CLOCK: variants seen among roughly 807,000 people sequenced by gnomAD.
The protein encoded by CLOCK is circadian locomoter output cycles protein kaput.
Under a neutral mutation model 118.4 loss-of-function variants are expected in CLOCK, and 43 were observed. The observed-to-expected ratio is 0.36, with a 90% confidence interval of 0.28 to 0.47. The LOEUF (loss-of-function observed/expected upper bound fraction) is 0.47, where lower values mean the gene tolerates loss of function less well. Among genes scored for constraint, CLOCK ranks in the 20% least tolerant of loss-of-function variants. The probability of loss-of-function intolerance (pLI) is 1.00; values close to 1 mark genes in which losing one functional copy is unlikely to be tolerated. For synonymous variants in CLOCK, 326 were observed against 339.2 expected (o/e 0.96, Z 0.43); for missense variants, 846 against 999.9 (o/e 0.85, Z 2.08).
chr4:55,539,726 C>T (rs983322906), intron 1 of CLOCK, among the ~76,000 whole-genome samples: 3 of 151,722 alleles, frequency 2.0e-5, no homozygotes, highest in Non-Finnish European at 4.4e-5. Context: ...AAAACAACTT[C>T]AATGTCCAAC....
At chr4:55,506,733 G>A (rs977314462) in intron 2 of CLOCK, among the ~76,000 whole-genome samples, 9 of 151,834 alleles carry the variant, frequency 5.9e-5, no homozygotes, top group Admixed American at 2.0e-4. Flanking sequence ...CTAATTTTTT[G>A]TATTTTTAGT....
chr4:55,457,818 T>C (rs575450398), intron 11 of CLOCK, among the ~76,000 whole-genome samples: 2 of 152,260 alleles, frequency 1.3e-5, no homozygotes, highest in South Asian at 2.1e-4. Flanking sequence ...CCCAGTTTCA[T>C]CACTAATAGC....
chr4:55,438,581 G>T, intron 21 of CLOCK, 44 bp from the exon 22 acceptor site: 1 of 1,611,672 alleles, frequency 6.2e-7, no homozygotes, highest in Non-Finnish European at 8.5e-7. Context: ...CAAAGTACAA[G>T]GTATACATCA....
intron 1 of CLOCK, among the ~76,000 whole-genome samples, chr4:55,519,966 G>A (rs890982995): frequency 6.6e-6 from 1 of 151,080 alleles, no homozygotes; most frequent in African/African-American, 2.4e-5. Flanking sequence ...TGAAGTACAG[G>A]GATCCACTCT....
At position 55,442,517 on chromosome 4, in the gene CLOCK, T is replaced by G; in HGVS notation, c.2020A>C (p.Ser674Arg). 6.2e-7 allele frequency: 1 copy of G among 1,609,806 alleles called. No homozygotes were observed. The highest frequency in any genetic ancestry group is 1.1e-5 in the South Asian group (1 of 90,652). Residue 674 changes from serine to arginine, a missense_variant, in exon 21 of 23, where the codon AGC becomes CGC. Around this residue, in one of 4 missense-constraint regions of CLOCK, gnomAD observed 520 missense variants for 558.0 expected, o/e 0.93. Coordinates refer to ENST00000513440, the MANE Select transcript of CLOCK (RefSeq NM_004898.4). ...ATACTAGATGGAATCTGGACCATGC[T>G]TCCGGCTGCAGGCTGAGAAATCACC... Reference protein sequence around the residue: ...TMVISQPAAGSMVQIPSSMPQ... With the variant: ...TMVISQPAAGRMVQIPSSMPQ...
chr4:55,541,634 TTTAATA>T (rs1413797859), intron 1 of CLOCK, among the ~76,000 whole-genome samples: 3 of 152,204 alleles, frequency 2.0e-5, no homozygotes, highest in Non-Finnish European at 4.4e-5. Context: ...ACAATTTTCT[TTTAATA>T]TTAACACTGG....
At chr4:55,472,440 T>C (rs1174237618) in intron 7 of CLOCK, among the ~76,000 whole-genome samples, 2 of 152,002 alleles carry the variant, frequency 1.3e-5, no homozygotes, top group Non-Finnish European at 2.9e-5. Context: ...GAAAGGAAGA[T>C]CCAGTGGAGA....
intron 9 of CLOCK, among the ~76,000 whole-genome samples, chr4:55,460,794 C>G (rs954093461): frequency 7.2e-5 from 11 of 152,190 alleles, no homozygotes; most frequent in African/African-American, 2.7e-4. Flanking sequence ...ATGGCTTTAT[C>G]ATCTAACCTA....
intron 9 of CLOCK, among the ~76,000 whole-genome samples, chr4:55,462,720 A>C (rs1421527100): frequency 6.6e-6 from 1 of 152,208 alleles, no homozygotes; most frequent in African/African-American, 2.4e-5. Context: ...AGAGTGGCCT[A>C]ATGGTCAATG....
chr4:55,483,493 A>G (rs1209029365), intron 3 of CLOCK, among the ~76,000 whole-genome samples: 1 of 152,188 alleles, frequency 6.6e-6, no homozygotes, highest in Non-Finnish European at 1.5e-5. Context: ...TTGTTTTCAA[A>G]GGCAAAATCT....
At chr4:55,546,716 A>T (rs1731664652) in intron 1 of CLOCK, 66 bp downstream of exon 1, 1 of 145,750 alleles carries the variant, frequency 6.9e-6, no homozygotes. Flanking sequence ...AGGAGCGCGC[A>T]TGCGCCGCCA....
chr4:55,529,999 A>C (rs1368930554), intron 1 of CLOCK, among the ~76,000 whole-genome samples: 1 of 152,258 alleles, frequency 6.6e-6, no homozygotes, highest in Non-Finnish European at 1.5e-5. Context: ...AATGAGGATC[A>C]ATCAAGAAAG....
chr4:55,541,288 A>G (rs758940011), intron 1 of CLOCK, among the ~76,000 whole-genome samples: 1 of 152,254 alleles, frequency 6.6e-6, no homozygotes, highest in Non-Finnish European at 1.5e-5. Flanking sequence ...AATTAGTAAC[A>G]ATTATATTGC....
chr4:55,438,269 T>G lies in CLOCK; in HGVS notation c.2361+13A>C, dbSNP rs201487137. The G allele has an allele frequency of 6.2e-6, 10 of 1,613,994 alleles. No homozygotes were observed. Among genetic ancestry groups the G allele is most frequent in the Non-Finnish European group, 1.7e-6 (2 of 1,179,906 alleles). ...AAATGAGTTTGAAGCAGCTTCCCCATGGGGAGAATTACCTGTAAAAATTGT... is the reference window on the plus strand; with the variant it reads ...AAATGAGTTTGAAGCAGCTTCCCCAGGGGGAGAATTACCTGTAAAAATTGT... On this transcript the variant is annotated intron_variant, in intron 22 of 22. Coordinates refer to ENST00000513440, the MANE Select transcript of CLOCK (RefSeq NM_004898.4).
chr4:55,481,552 G>C (rs1726936686), intron 4 of CLOCK, among the ~76,000 whole-genome samples: 1 of 152,168 alleles, frequency 6.6e-6, no homozygotes, highest in Admixed American at 6.5e-5. Context: ...ACATGGTGCA[G>C]GCAGGCTTCT....
chr4:55,541,489 T>C (rs906454253), intron 1 of CLOCK, among the ~76,000 whole-genome samples: 4 of 152,226 alleles, frequency 2.6e-5, no homozygotes, highest in Non-Finnish European at 4.4e-5. Flanking sequence ...GTGCAGAACT[T>C]TGACTTTTCC....
rs577663442 is a variant in CLOCK at position 55,511,609 on chromosome 4, C to T, written c.-289-1544G>A. ...TGGTACATTTACTACAACTGACAAA[C>T]CTACACTGACACATCCTTATCACCC... On this transcript the variant is annotated intron_variant, in intron 1 of 22. Transcript: ENST00000513440. Among the ~76,000 whole-genome samples, 152 of 152,236 alleles carry T rather than the reference C, an allele frequency of 1.0e-3. 2 individuals are homozygous for T. The highest frequency in any genetic ancestry group is 3.4e-3 in the Middle Eastern group (1 of 294).
rs1722366738 is a variant in CLOCK, at chr4:55,429,265, T to G, written c.*6150A>C. The stretch of plus-strand genomic sequence containing the variant: ...GTTTAACCCTCAGAGTTAAGAAATA[T>G]TTTTTAGATCATTAAATTCAATTGT... On this transcript the variant is annotated 3_prime_UTR_variant, in exon 23 of 23. Coordinates refer to ENST00000513440, the MANE Select transcript of CLOCK (RefSeq NM_004898.4). 1 of 152,178 alleles carries G rather than the reference T, an allele frequency of 6.6e-6. No homozygotes were observed. Among genetic ancestry groups the G allele is most frequent in the Admixed American group, 6.5e-5 (1 of 15,276 alleles). The allele number at this position is 152,178 out of a possible 1,614,324, so 9.4% of individuals were successfully genotyped here.
rs1025917146 is a variant in CLOCK, at chr4:55,430,506, CTG to C, written c.*4907_*4908del. 79 of 152,298 alleles carry C rather than the reference CTG, an allele frequency of 5.2e-4. No homozygotes were observed. The highest frequency in any genetic ancestry group is 1.9e-3 in the African/African-American group (77 of 41,568). The allele number at this position is 152,298 out of a possible 1,614,324, so 9.4% of individuals were successfully genotyped here. A position where few individuals can be genotyped will look rare whatever the true frequency, so the allele number is the denominator to read the frequency against. On this transcript the variant is annotated 3_prime_UTR_variant, in exon 23 of 23. Transcript: ENST00000513440. ...ACACTGTTTTAAATATCCTGAATAA[CTG>C]TGCCAACAAAATTCATCCCCAGTGT...
Sources: gnomAD v4.1 joint callset for allele counts (sites outside exome capture counted in the v4.1 genomes callset) on GRCh38, gnomAD v4.1.1 for gene constraint, gnomAD v4.1.1 regional missense constraint, MANE v1.5 for transcripts, NCBI Gene and HGNC (gene_info 2026-07-23, HGNC 2026-07-21) for gene names.